The following RUNX1 variants were observed in gnomAD, a reference collection of about 807,000 sequenced individuals.
RUNX1 encodes the protein runt-related transcription factor 1.
A neutral mutation model predicts 42.8 loss-of-function variants in RUNX1; 19 were observed. The ratio of observed to expected loss-of-function variants is 0.44; its 90% CI spans 0.31 to 0.65. The LOEUF is 0.65. Ranked by LOEUF, RUNX1 falls within the 30% of genes least tolerant of loss-of-function variation. The pLI, the probability that RUNX1 is intolerant of heterozygous loss-of-function variation, is 0.07. For missense variants in RUNX1, 528 were observed against 672.0 expected, an observed-to-expected ratio of 0.79 and a Z score of 2.37; for synonymous variants, 271 against 289.4, an observed-to-expected ratio of 0.94 and a Z score of 0.64.
At chr21:34,910,201 G>A (rs939867411) in intron 2 of RUNX1, among the ~76,000 whole-genome samples, 1 of 152,142 alleles carries the variant, frequency 6.6e-6, no homozygotes, top group Non-Finnish European at 1.5e-5. Flanking sequence ...GCCTTCTGTT[G>A]CAGGGAAACC....
At chr21:34,811,134 G>A (rs1447613829) in intron 7 of RUNX1, among the ~76,000 whole-genome samples, 3 of 152,198 alleles carry the variant, frequency 2.0e-5, no homozygotes, top group Non-Finnish European at 2.9e-5. Context: ...ACTGCTCTTT[G>A]TCTTGTGAAG....
At chr21:34,999,714 C>T (rs1478844989) in intron 2 of RUNX1, among the ~76,000 whole-genome samples, 2 of 152,152 alleles carry the variant, frequency 1.3e-5, no homozygotes, top group South Asian at 2.1e-4. Flanking sequence ...CTTCAGCCCA[C>T]GGAAAGCACA....
At chr21:34,827,278 T>C (rs926845854) in intron 7 of RUNX1, among the ~76,000 whole-genome samples, 2 of 152,206 alleles carry the variant, frequency 1.3e-5, no homozygotes, top group African/African-American at 4.8e-5. Context: ...CAGCAAAGCA[T>C]TGAGGCTGCT....
intron 6 of RUNX1, among the ~76,000 whole-genome samples, chr21:34,855,892 GA>G (rs1405566241): frequency 6.6e-6 from 1 of 152,128 alleles, no homozygotes; most frequent in African/African-American, 2.4e-5. Context: ...CCAGGCAGAG[GA>G]TACCTTTTGA....
intron 5 of RUNX1, among the ~76,000 whole-genome samples, chr21:34,875,593 T>A (rs2057802435): frequency 6.6e-6 from 1 of 152,216 alleles, no homozygotes; most frequent in South Asian, 2.1e-4. Context: ...GTTTATACCA[T>A]GAACATTACC....
intron 2 of RUNX1, among the ~76,000 whole-genome samples, chr21:34,929,052 G>A (rs2058420289): frequency 6.6e-6 from 1 of 151,968 alleles, no homozygotes; most frequent in East Asian, 1.9e-4. Context: ...AAGCATCTAG[G>A]CATGTCCTCT....
Position 34,843,163 on chromosome 21 carries a change from C to T in RUNX1, c.614-8562G>A, listed in dbSNP as rs145966364. Among the ~76,000 whole-genome samples the T allele has an allele frequency of 2.7e-3, 416 of 152,216 alleles. 5 individuals are homozygous for T. The highest frequency in any genetic ancestry group is 9.3e-3 in the African/African-American group (386 of 41,528). Reference sequence around the variant, plus strand: ...ATGGACATATACACACAAACACAGGCATGCATGTAAACACATACAGACACA... The same window carrying T: ...ATGGACATATACACACAAACACAGGTATGCATGTAAACACATACAGACACA... On this transcript the variant is annotated intron_variant, in intron 6 of 8. Transcript: ENST00000675419. This position sits in a 1 kb window ranked among gnomAD's most constrained non-coding sequence, Gnocchi z 4.8.
chr21:34,898,283 T>C (rs1601547278), intron 2 of RUNX1, among the ~76,000 whole-genome samples: 2 of 152,346 alleles, frequency 1.3e-5, no homozygotes, highest in South Asian at 4.1e-4. Context: ...CACCACCAGA[T>C]TTCCGACCTG....
At chr21:34,912,641 T>C (rs2058281357) in intron 2 of RUNX1, among the ~76,000 whole-genome samples, 1 of 152,206 alleles carries the variant, frequency 6.6e-6, no homozygotes, top group Admixed American at 6.5e-5. Context: ...TGGGTCCCTC[T>C]TTTTACACCC....
rs570321432 is a variant in RUNX1 at position 35,040,083 on chromosome 21, C to A, written c.58+8759G>T. On this transcript the variant is annotated intron_variant, in intron 2 of 8. Transcript: ENST00000675419. ...TACCCACTCTTGCATGGGTTTTATACACATATGTGGTTTCAGATTTTATGA... is the reference window on the plus strand; with the variant it reads ...TACCCACTCTTGCATGGGTTTTATAAACATATGTGGTTTCAGATTTTATGA... Among the ~76,000 whole-genome samples the A allele has an allele frequency of 1.1e-4, 16 of 152,284 alleles. No homozygotes were observed. In the East Asian group the frequency reaches 2.9e-3, roughly 28 times the overall value.
intron 2 of RUNX1, among the ~76,000 whole-genome samples, chr21:34,993,495 CCCTA>C (rs1403863016): frequency 6.7e-5 from 8 of 119,018 alleles, no homozygotes; most frequent in African/African-American, 4.0e-4. Context: ...GTTTGTTTGT[CCCTA>C]CACACACACA....
intron 2 of RUNX1, among the ~76,000 whole-genome samples, chr21:34,964,254 C>T (rs9981278): frequency 0.072 from 10,977 of 151,932 alleles, 532 homozygotes; most frequent in African/African-American, 0.13. Flanking sequence ...TATGGGAGGC[C>T]GAGGTGAGCA....
chr21:34,802,095 A>G (rs1279253689), intron 7 of RUNX1, among the ~76,000 whole-genome samples: 2 of 152,204 alleles, frequency 1.3e-5, no homozygotes, highest in Non-Finnish European at 2.9e-5. Context: ...GGGAAGAATC[A>G]GATGTGGGGT....
At chr21:34,981,855 G>T (rs894208662) in intron 2 of RUNX1, among the ~76,000 whole-genome samples, 1 of 152,080 alleles carries the variant, frequency 6.6e-6, no homozygotes, top group Non-Finnish European at 1.5e-5. Flanking sequence ...TTCTGAGACC[G>T]GTCTTTCTGT....
Position 34,893,580 on chromosome 21 carries a change from G to A in RUNX1, c.59-617C>T, listed in dbSNP as rs533979318. On this transcript the variant is annotated intron_variant, in intron 2 of 8. Coordinates refer to ENST00000675419, the MANE Select transcript of RUNX1 (RefSeq NM_001754.5). The stretch of plus-strand genomic sequence containing the variant: ...GTAAACCCATTAAGCAAAGTCACAT[G>A]AAGCTCTTTTTCTTTCCTTTGAATA... Among the ~76,000 whole-genome samples the A allele has an allele frequency of 1.4e-3, 219 of 152,168 alleles. 1 individual carries two copies. The highest frequency in any genetic ancestry group is 5.0e-3 in the African/African-American group (209 of 41,510).
At chr21:34,922,102 T>C (rs1211585185) in intron 2 of RUNX1, among the ~76,000 whole-genome samples, 1 of 152,196 alleles carries the variant, frequency 6.6e-6, no homozygotes, top group Non-Finnish European at 1.5e-5. Flanking sequence ...CAGCATGTAC[T>C]GAGCAGCCTG....
At chr21:34,873,375 G>T (rs549004246) in intron 5 of RUNX1, among the ~76,000 whole-genome samples, 35 of 152,326 alleles carry the variant, frequency 2.3e-4, no homozygotes, top group Non-Finnish European at 4.1e-4. Flanking sequence ...ATAGGTGATG[G>T]GGGAGGTGGG....
intron 4 of RUNX1, among the ~76,000 whole-genome samples, chr21:34,885,358 G>A (rs540666673): frequency 6.6e-6 from 1 of 152,240 alleles, no homozygotes; most frequent in South Asian, 2.1e-4. Context: ...TTAGGCAAAG[G>A]GTTAGAATGA....
At chr21:34,889,324 G>A (rs1200088395) in intron 3 of RUNX1, among the ~76,000 whole-genome samples, 1 of 152,154 alleles carries the variant, frequency 6.6e-6, no homozygotes, top group African/African-American at 2.4e-5. Context: ...CATGAGGCCG[G>A]ACGGCGTCCG....
Sources: allele counts gnomAD v4.1 joint callset (sites outside exome capture counted in the v4.1 genomes callset), GRCh38; gene constraint gnomAD v4.1.1; non-coding constraint Gnocchi (gnomAD v3.1); transcripts MANE v1.5; gene names NCBI Gene and HGNC (gene_info 2026-07-23, HGNC 2026-07-21).